The following MAPT variants were observed in gnomAD, a reference collection of about 807,000 sequenced individuals.
MAPT encodes microtubule-associated protein tau.
Under a neutral mutation model 67.9 loss-of-function variants are expected in MAPT, and 34 were observed. The observed-to-expected ratio is 0.50, with a 90% CI of 0.38 to 0.67. The LOEUF is 0.67. MAPT is among the 30% of genes least tolerant of loss of function. The probability of loss-of-function intolerance (pLI) is 0.00; values close to 1 mark genes in which losing one functional copy is unlikely to be tolerated. For synonymous variants in MAPT, 456 were observed against 464.5 expected, an observed-to-expected ratio of 0.98 and a Z score of 0.23; for missense variants, 881 against 1,115.2, an observed-to-expected ratio of 0.79 and a Z score of 2.99.
chr17:45,937,102 G>A (rs571434991), intron 1 of MAPT, among the ~76,000 whole-genome samples: 1 of 152,304 alleles, frequency 6.6e-6, no homozygotes, highest in South Asian at 2.1e-4. Context: ...GCACATTTGA[G>A]GAGTCTGACT....
intron 8 of MAPT, among the ~76,000 whole-genome samples, chr17:45,992,720 C>T (rs2074162059): frequency 6.6e-6 from 1 of 152,024 alleles, no homozygotes; most frequent in South Asian, 2.1e-4. Context: ...AAAACCCCGT[C>T]TCTAATAAAA....
In MAPT at chr17:45,966,422, T is replaced by TA. The variant is rs569775987; in HGVS notation, c.133+3960dup. ...GGGCAACATGGTGAAATCCTGTCTC[T>TA]AAAAAAAATCACAAAAATTAGCCAG... On this transcript the variant is annotated intron_variant, in intron 2 of 12. Transcript: ENST00000262410. Among the ~76,000 whole-genome samples, 283 of 151,864 alleles carry TA rather than the reference T, an allele frequency of 1.9e-3. 1 individual carries two copies. The highest frequency in any genetic ancestry group is 5.4e-3 in the African/African-American group (223 of 41,420).
intron 1 of MAPT, among the ~76,000 whole-genome samples, chr17:45,935,348 T>C (rs1441061441): frequency 3.3e-5 from 5 of 152,088 alleles, no homozygotes; most frequent in African/African-American, 1.2e-4. Flanking sequence ...AGTCCTGGCC[T>C]CTTCGCAGCT....
intron 1 of MAPT, among the ~76,000 whole-genome samples, chr17:45,955,033 AG>A (rs1411989248): frequency 6.6e-6 from 1 of 152,214 alleles, no homozygotes; most frequent in African/African-American, 2.4e-5. Flanking sequence ...ATGAAAGCCA[AG>A]GGGCATAGTA....
intron 1 of MAPT, among the ~76,000 whole-genome samples, chr17:45,951,704 G>A (rs2069102660): frequency 6.6e-6 from 1 of 151,972 alleles, no homozygotes. Context: ...CGCCCCCCGG[G>A]CCTCAATTTA....
In MAPT at chr17:45,894,606, G is replaced by A. The variant is rs573336342; in HGVS notation, c.-98G>A. ...CACCAACAGCAGCGCCGCTGCCACC[G>A]CCCACCTTCTGCCGCCGCCACCACA... On this transcript the variant is annotated 5_prime_UTR_variant, in exon 1 of 13. Transcript: ENST00000262410. 8.4e-5 allele frequency: 13 copies of A among 154,548 alleles called. No individual in the cohort carries two copies. The East Asian group carries it at 2.3e-3, about 27-fold the overall frequency. 9.6% of individuals were successfully genotyped at this position (154,548 alleles called of 1,614,324 possible). A position where few individuals can be genotyped will look rare whatever the true frequency, so the allele number is the denominator to read the frequency against.
At chr17:46,021,259 T>A (rs1465257407) in intron 12 of MAPT, among the ~76,000 whole-genome samples, 1 of 152,174 alleles carries the variant, frequency 6.6e-6, no homozygotes. Flanking sequence ...AGGGATACTT[T>A]TCAGCGGCTG....
intron 1 of MAPT, among the ~76,000 whole-genome samples, chr17:45,940,051 C>G (rs2067715728): frequency 6.6e-6 from 1 of 152,070 alleles, no homozygotes; most frequent in Non-Finnish European, 1.5e-5. Context: ...ACTGGGGACT[C>G]AAAAAGAAAA....
intron 3 of MAPT, chr17:45,976,965 C>T (rs1244229470): frequency 6.6e-6 from 1 of 152,492 alleles, no homozygotes; most frequent in East Asian, 1.9e-4. Context: ...ATCACCTTGT[C>T]AGAAACTCAG....
intron 7 of MAPT, 123 bp downstream of exon 7, chr17:45,990,198 G>A (rs1017469039): frequency 5.2e-5 from 45 of 864,620 alleles, no homozygotes; most frequent in Non-Finnish European, 7.5e-5. Flanking sequence ...TAGAAGCACC[G>A]TGTAAAATAG....
chr17:46,017,933 C>T (rs1248177869), intron 11 of MAPT, among the ~76,000 whole-genome samples: 1 of 151,384 alleles, frequency 6.6e-6, no homozygotes, highest in African/African-American at 2.4e-5. Flanking sequence ...ATCAGGAGGT[C>T]AGGAGATTGA....
intron 1 of MAPT, among the ~76,000 whole-genome samples, chr17:45,951,768 A>T (rs961408785): frequency 3.3e-5 from 5 of 152,208 alleles, no homozygotes; most frequent in Middle Eastern, 3.4e-3. Context: ...AAGGGTCCCT[A>T]AAAAATGTCC....
chr17:45,897,151 C>T lies in MAPT; in HGVS notation c.-18+2465C>T, dbSNP rs534162444. 1.3e-5 allele frequency: 2 copies of T among 152,348 alleles called. No homozygotes were observed. Among genetic ancestry groups the T allele is most frequent in the Non-Finnish European group, 2.9e-5 (2 of 68,062 alleles). The allele number at this position is 152,348 out of a possible 1,614,324, so 9.4% of individuals were successfully genotyped here. On this transcript the variant is annotated intron_variant, in intron 1 of 12. Transcript: ENST00000262410. This position sits in a 1 kb window ranked among gnomAD's most constrained non-coding sequence, Gnocchi z 5.0. ...GCTCAGGGATCGATTCAAGCATCGTCTCTCCTCCCTCGCCCCCAGACAGAG... is the reference window on the plus strand; with the variant it reads ...GCTCAGGGATCGATTCAAGCATCGTTTCTCCTCCCTCGCCCCCAGACAGAG...
chr17:45,972,058 C>T, intron 3 of MAPT, 113 bp downstream of exon 3: 1 of 790,494 alleles, frequency 1.3e-6, no homozygotes. Flanking sequence ...TGTGCTCACT[C>T]CTTCGGTGCT....
At chr17:46,015,740 G>C (rs554470355) in intron 11 of MAPT, among the ~76,000 whole-genome samples, 1 of 152,256 alleles carries the variant, frequency 6.6e-6, no homozygotes, top group East Asian at 1.9e-4. Flanking sequence ...GTAACACAAA[G>C]GACAAATGTT....
At chr17:45,945,752 G>T (rs185372346) in intron 1 of MAPT, among the ~76,000 whole-genome samples, 7 of 152,184 alleles carry the variant, frequency 4.6e-5, no homozygotes, top group Admixed American at 1.3e-4. Flanking sequence ...GGTGAAGGTT[G>T]CAGTGAGCCG....
At chr17:45,988,886 AAAACAAACAAAC>A (rs72204658) in intron 6 of MAPT, among the ~76,000 whole-genome samples, 5 of 151,928 alleles carry the variant, frequency 3.3e-5, no homozygotes, top group Non-Finnish European at 5.9e-5. Context: ...CCCTGTCTCT[AAAACAAACAAAC>A]AAACAAACAA....
At chr17:45,921,531 G>A (rs1004685278) in intron 1 of MAPT, among the ~76,000 whole-genome samples, 20 of 152,180 alleles carry the variant, frequency 1.3e-4, no homozygotes, top group Admixed American at 1.2e-3. Flanking sequence ...GCTCAATCGA[G>A]CATCATGTCA....
chr17:45,989,422 G>A (rs898103908), intron 6 of MAPT, among the ~76,000 whole-genome samples: 6 of 152,124 alleles, frequency 3.9e-5, no homozygotes, highest in Admixed American at 2.0e-4. Flanking sequence ...AGGCCGAGAC[G>A]GGTGGATCAC....
Sources: gnomAD v4.1 joint callset for allele counts (sites outside exome capture counted in the v4.1 genomes callset) on GRCh38, gnomAD v4.1.1 for gene constraint, Gnocchi (gnomAD v3.1) non-coding constraint, MANE v1.5 for transcripts, NCBI Gene and HGNC (gene_info 2026-07-23, HGNC 2026-07-21) for gene names.